STX16: variants seen among roughly 807,000 people sequenced by gnomAD.
STX16 encodes syntaxin-16.
A neutral mutation model predicts 42.7 loss-of-function variants in STX16; 28 were observed. The observed-to-expected ratio is 0.66, with a 90% CI of 0.49 to 0.90. The LOEUF (loss-of-function observed/expected upper bound fraction) is 0.90, where lower values mean the gene tolerates loss of function less well. Ranked by LOEUF, STX16 falls within the 40% of genes least tolerant of loss-of-function variation. The probability of loss-of-function intolerance (pLI) is 0.00; values close to 1 mark genes in which losing one functional copy is unlikely to be tolerated. For missense variants in STX16, 361 were observed against 420.9 expected (o/e 0.86, Z 1.24); for synonymous variants, 156 against 155.2 (o/e 1.00, Z -0.04).
rs16982214 is a variant in STX16 at position 58,659,426 on chromosome 20, A to G, written c.133-197A>G. On this transcript the variant is annotated intron_variant, in intron 1 of 8. Coordinates refer to ENST00000371141, the MANE Select transcript of STX16 (RefSeq NM_001001433.3). Reference sequence around the variant, plus strand: ...AACCACAGTAAATAAAAATTAAAGCATATATTGATGTAGCTTAATTTAAAA... The same window carrying G: ...AACCACAGTAAATAAAAATTAAAGCGTATATTGATGTAGCTTAATTTAAAA... Among the ~76,000 whole-genome samples, 12,112 of 152,082 alleles carry G rather than the reference A, an allele frequency of 0.08. 533 individuals carry two copies. Among genetic ancestry groups the G allele is most frequent in the African/African-American group, 0.096 (3,989 of 41,472 alleles).
chr20:58,668,272 C>A (rs564055442), intron 4 of STX16, 145 bp downstream of exon 4: 1 of 1,040,212 alleles, frequency 9.6e-7, no homozygotes, highest in Non-Finnish European at 1.4e-6. Flanking sequence ...CTGAAGTCCT[C>A]CAGCTGTCAG....
intron 4 of STX16, 62 bp downstream of exon 4, chr20:58,668,189 T>C (rs990265980): frequency 2.5e-6 from 4 of 1,591,446 alleles, no homozygotes. Flanking sequence ...TCTCAGAAAC[T>C]AGAGTGTTAC....
chr20:58,668,216 G>A, intron 4 of STX16, 89 bp downstream of exon 4: 1 of 1,513,336 alleles, frequency 6.6e-7, no homozygotes, highest in South Asian at 1.3e-5. Flanking sequence ...TCAGTCTCCT[G>A]GAGTCATTTC....
At position 58,677,018 on chromosome 20, in the gene STX16, C is replaced by G. The variant is rs1271936024; in HGVS notation, c.*727C>G. The G allele has an allele frequency of 6.6e-6, 1 of 152,632 alleles. No individual in the cohort carries two copies. The highest frequency in any genetic ancestry group is 1.5e-5 in the Non-Finnish European group (1 of 68,034). 9.5% of individuals were successfully genotyped at this position (152,632 alleles called of 1,614,324 possible). A position where few individuals can be genotyped will look rare whatever the true frequency, so the allele number is the denominator to read the frequency against. ...TAAAATTTTTGCACTGCATTTTCTACTGTAAACCAAAAGAGGTTACTAAGC... is the reference window on the plus strand; with the variant it reads ...TAAAATTTTTGCACTGCATTTTCTAGTGTAAACCAAAAGAGGTTACTAAGC... On this transcript the variant is annotated 3_prime_UTR_variant, in exon 9 of 9. Coordinates refer to ENST00000371141, the MANE Select transcript of STX16 (RefSeq NM_001001433.3).
chr20:58,666,864 G>T (rs1056037242), intron 2 of STX16, among the ~76,000 whole-genome samples: 4 of 152,242 alleles, frequency 2.6e-5, no homozygotes, highest in Admixed American at 6.5e-5. Flanking sequence ...AAATGACAGT[G>T]TAAGATTGCA....
chr20:58,672,273 A>C (rs1017868375), intron 7 of STX16, among the ~76,000 whole-genome samples: 1 of 152,170 alleles, frequency 6.6e-6, no homozygotes, highest in African/African-American at 2.4e-5. Context: ...TAGAGGTTGC[A>C]GTGAGCCGAG....
Position 58,671,302 on chromosome 20 carries a change from G to C in STX16, c.792+5G>C. 1 of 1,602,512 alleles carries C rather than the reference G, an allele frequency of 6.2e-7. No homozygotes were observed. The highest frequency in any genetic ancestry group is 8.5e-7 in the Non-Finnish European group (1 of 1,172,050). On this transcript the variant is annotated splice_donor_5th_base_variant and intron_variant, in intron 7 of 8. Coordinates refer to ENST00000371141, the MANE Select transcript of STX16 (RefSeq NM_001001433.3). ...GGGGCGATGATTGTAGAACAGGTAC[G>C]TGAGCTGGCCTTCCTCGTGAATAGG...
At chr20:58,652,477 C>T (rs888207372) in intron 1 of STX16, among the ~76,000 whole-genome samples, 2 of 148,940 alleles carry the variant, frequency 1.3e-5, no homozygotes, top group African/African-American at 4.9e-5. Context: ...TTTCTGAAGC[C>T]TTTTTGTTTC....
At chr20:58,675,377 C>T (rs1189291532) in intron 8 of STX16, among the ~76,000 whole-genome samples, 4 of 152,346 alleles carry the variant, frequency 2.6e-5, no homozygotes, top group African/African-American at 9.6e-5. Flanking sequence ...GGACGTGCCT[C>T]CCGGCGCCCT....
rs1179172935 is a variant in STX16 at position 58,677,111 on chromosome 20, T to A, written c.*820T>A. On this transcript the variant is annotated 3_prime_UTR_variant, in exon 9 of 9. Transcript: ENST00000371141. ...ATTAAAAGAAAGCTTGACAGTGTTA[T>A]GAAAGCCACCAGACTCAGCCAGTGT... 1 of 152,678 alleles carries A rather than the reference T, an allele frequency of 6.5e-6. No homozygotes were observed. The allele number at this position is 152,678 out of a possible 1,614,324, so 9.5% of individuals were successfully genotyped here.
chr20:58,665,312 T>C (rs2083796776), intron 2 of STX16, among the ~76,000 whole-genome samples: 1 of 152,094 alleles, frequency 6.6e-6, no homozygotes, highest in Admixed American at 6.6e-5. Context: ...CCTGGTGTAG[T>C]TGGTGGGAAA....
rs16982236 is a variant in STX16, at chr20:58,669,742, A to G, written c.556+289A>G. 3.7e-3 allele frequency among the ~76,000 whole-genome samples: 556 copies of G among 152,264 alleles called. 4 individuals carry two copies. The highest frequency in any genetic ancestry group is 0.03 in the East Asian group (154 of 5,180). On this transcript the variant is annotated intron_variant, in intron 5 of 8. Transcript: ENST00000371141. The stretch of plus-strand genomic sequence containing the variant: ...AGCTGCAAGAATTTGAAAATCAACC[A>G]AGCACATTTTAAAAACCTGTTGTTT...
intron 7 of STX16, among the ~76,000 whole-genome samples, chr20:58,672,289 A>G (rs2083998735): frequency 6.6e-6 from 1 of 152,118 alleles, no homozygotes; most frequent in Non-Finnish European, 1.5e-5. Context: ...CCGAGATTGC[A>G]CCATTGCACT....
Position 58,652,048 on chromosome 20 carries a change from G to T in STX16, c.42G>T (p.Arg14=), listed in dbSNP as rs781052509. 17 of 1,614,082 alleles carry T rather than the reference G, an allele frequency of 1.1e-5. No individual in the cohort carries two copies. Among genetic ancestry groups the T allele is most frequent in the African/African-American group, 2.7e-5 (2 of 74,938 alleles). Residue 14 remains arginine, a synonymous_variant, in exon 1 of 9, where the codon CGG becomes CGT. Coordinates refer to ENST00000371141, the MANE Select transcript of STX16 (RefSeq NM_001001433.3). ...RRLTDAFLLL[R]NNSIQNRQLL... ...TAACCGACGCTTTCTTGTTGTTGCG[G>T]AATAATTCCATCCAAAACCGGCAGC...
intron 5 of STX16, among the ~76,000 whole-genome samples, chr20:58,670,047 T>C (rs542362208): frequency 1.3e-5 from 2 of 152,328 alleles, no homozygotes; most frequent in South Asian, 2.1e-4. Flanking sequence ...AGTCCCCACA[T>C]ACTCCAAAAA....
Position 58,675,605 on chromosome 20 carries a change from G to A in STX16, c.874-582G>A, listed in dbSNP as rs1337353659. ...TGCTGTATCGTTAGCGGCACTGGGAGGACGCGCCTCAGAGGGATCTTTCTG... is the reference window on the plus strand; with the variant it reads ...TGCTGTATCGTTAGCGGCACTGGGAAGACGCGCCTCAGAGGGATCTTTCTG... On this transcript the variant is annotated intron_variant, in intron 8 of 8. Transcript: ENST00000371141. 6.6e-5 allele frequency among the ~76,000 whole-genome samples: 10 copies of A among 152,348 alleles called. No homozygotes were observed. In the East Asian group the frequency reaches 1.9e-3, roughly 29 times the overall value.
chr20:58,655,951 A>G (rs2083576091), intron 1 of STX16, among the ~76,000 whole-genome samples: 1 of 152,220 alleles, frequency 6.6e-6, no homozygotes, highest in South Asian at 2.1e-4. Flanking sequence ...AACAAAATAC[A>G]GTCGTATTTC....
At chr20:58,658,978 G>T (rs1314303036) in intron 1 of STX16, among the ~76,000 whole-genome samples, 4 of 151,924 alleles carry the variant, frequency 2.6e-5, no homozygotes, top group Non-Finnish European at 5.9e-5. Context: ...CTTTTATTTT[G>T]CCACCTGTGT....
intron 1 of STX16, among the ~76,000 whole-genome samples, chr20:58,653,446 G>A (rs1335934761): frequency 1.3e-5 from 2 of 152,144 alleles, no homozygotes; most frequent in African/African-American, 4.8e-5. Flanking sequence ...TGTAAACTCA[G>A]GTCAAACAGC....
Sources: allele counts gnomAD v4.1 joint callset (sites outside exome capture counted in the v4.1 genomes callset), GRCh38; gene constraint gnomAD v4.1.1; transcripts MANE v1.5; gene names NCBI Gene and HGNC (gene_info 2026-07-23, HGNC 2026-07-21).